DDX18: variants seen among roughly 807,000 people sequenced by gnomAD.
DDX18 encodes ATP-dependent RNA helicase DDX18.
Under a neutral mutation model 73.5 loss-of-function variants are expected in DDX18, and 23 were observed. The observed-to-expected ratio is 0.31, with a 90% confidence interval of 0.23 to 0.44. The LOEUF is 0.44. Ranked by LOEUF, DDX18 falls within the 20% of genes least tolerant of loss-of-function variation. DDX18 has a pLI of 1.00. For synonymous variants in DDX18, 268 were observed against 282.7 expected (o/e 0.95, Z 0.52); for missense variants, 753 against 792.9 (o/e 0.95, Z 0.60).
At chr2:117,829,170 C>G in intron 12 of DDX18, 119 bp from the exon 13 acceptor site, 1 of 1,195,248 alleles carries the variant, frequency 8.4e-7, no homozygotes, top group South Asian at 1.5e-5. Context: ...TATCACCACT[C>G]TGTGCCCTCT....
At position 117,821,772 on chromosome 2, in the gene DDX18, T is replaced by G. The variant is rs944293577; in HGVS notation, c.751+22T>G. ...AATGGTAAGCGTTCATCTGCTTGTT[T>G]CTGCCATTATTTCACTAGAGGTTTA... On this transcript the variant is annotated intron_variant, in intron 5 of 13. Coordinates refer to ENST00000263239, the MANE Select transcript of DDX18 (RefSeq NM_006773.4). 1.9e-6 allele frequency: 3 copies of G among 1,613,744 alleles called. No homozygotes were observed. The African/African-American group carries it at 4.0e-5, about 22-fold the overall frequency.
At chr2:117,819,345 G>T (rs1333629243) in intron 2 of DDX18, among the ~76,000 whole-genome samples, 3 of 152,278 alleles carry the variant, frequency 2.0e-5, no homozygotes, top group African/African-American at 7.2e-5. Context: ...AGTTTTTAAG[G>T]ATTATGTTAA....
chr2:117,817,385 G>T, intron 1 of DDX18, 59 bp from the exon 2 acceptor site: 2 of 1,462,062 alleles, frequency 1.4e-6, no homozygotes, highest in East Asian at 4.6e-5. Context: ...TGGGATTTCA[G>T]TGTTTCTAAG....
intron 9 of DDX18, 61 bp from the exon 10 acceptor site, chr2:117,825,386 G>A: frequency 1.9e-6 from 3 of 1,567,322 alleles, no homozygotes; most frequent in East Asian, 2.3e-5. Context: ...ACAATTTGGG[G>A]GTTCTACTGC....
At chr2:117,826,211 G>T in intron 10 of DDX18, 58 bp from the exon 11 acceptor site, 1 of 1,456,464 alleles carries the variant, frequency 6.9e-7, no homozygotes, top group South Asian at 1.2e-5. Context: ...ATGCAGATAC[G>T]CAAATGGGCT....
In DDX18 at chr2:117,830,564, C is replaced by T. The variant is rs1461738327; in HGVS notation, c.1871-18C>T. ...TTCATTATCTTTTTTGCTTGATTTC[C>T]TTAATGTTTGCCTCCAGACGTCAAC... On this transcript the variant is annotated intron_variant, in intron 13 of 13. Transcript: ENST00000263239. The T allele has an allele frequency of 3.1e-6, 5 of 1,605,906 alleles. No homozygotes were observed. The highest frequency in any genetic ancestry group is 3.5e-5 in the Admixed American group (2 of 57,654).
At chr2:117,826,034 CTTTTTTTTTT>C (rs59119058) in intron 10 of DDX18, 6 of 97,286 alleles carry the variant, frequency 6.2e-5, no homozygotes, top group South Asian at 1.9e-4. Context: ...CATGTCCAGC[CTTTTTTTTTT>C]TTTTTTTTTT....
chr2:117,818,264 A>G (rs1409627073), intron 2 of DDX18, among the ~76,000 whole-genome samples: 2 of 152,184 alleles, frequency 1.3e-5, no homozygotes, highest in Non-Finnish European at 2.9e-5. Flanking sequence ...TCAAGGTAGG[A>G]TAAGATAGGG....
At chr2:117,827,793 G>C (rs1450128837) in intron 11 of DDX18, 2 of 152,148 alleles carry the variant, frequency 1.3e-5, no homozygotes, top group Non-Finnish European at 2.9e-5. Flanking sequence ...ACATACATGT[G>C]CATGTGTCTT....
At chr2:117,824,530 C>T in intron 7 of DDX18, 39 bp from the exon 8 acceptor site, 4 of 1,341,068 alleles carry the variant, frequency 3.0e-6, no homozygotes, top group Non-Finnish European at 3.8e-6. Context: ...TAAAGATTCC[C>T]TAAAAGATTG....
chr2:117,822,422 T>C, intron 7 of DDX18, 161 bp downstream of exon 7: 1 of 589,456 alleles, frequency 1.7e-6, no homozygotes, highest in Non-Finnish European at 3.0e-6. Flanking sequence ...AAGCATCAAA[T>C]GTATTATAAC....
chr2:117,818,082 A>G (rs1434735753), intron 2 of DDX18, among the ~76,000 whole-genome samples: 2 of 152,182 alleles, frequency 1.3e-5, no homozygotes, highest in Non-Finnish European at 2.9e-5. Context: ...TGAAAGGAAT[A>G]TTAGTTACAA....
At chr2:117,820,884 G>T (rs1372475368) in intron 3 of DDX18, among the ~76,000 whole-genome samples, 1 of 151,480 alleles carries the variant, frequency 6.6e-6, no homozygotes, top group Non-Finnish European at 1.5e-5. Flanking sequence ...CCTTGTTTTG[G>T]TATTTTTATT....
intron 2 of DDX18, 129 bp downstream of exon 2, chr2:117,817,857 C>CTACCAGGCTAAT: frequency 1.1e-6 from 1 of 921,774 alleles, no homozygotes; most frequent in Non-Finnish European, 1.5e-6. Context: ...TAGAGATTAG[C>CTACCAGGCTAAT]CTGGTAGCTA....
intron 10 of DDX18, 190 bp from the exon 11 acceptor site, chr2:117,826,079 C>A: frequency 8.2e-6 from 1 of 121,338 alleles, no homozygotes. Flanking sequence ...CAATCATTGG[C>A]CTATTGGGGG....
intron 9 of DDX18, 84 bp from the exon 10 acceptor site, chr2:117,825,363 G>GTAA: frequency 2.8e-6 from 2 of 708,352 alleles, no homozygotes; most frequent in Non-Finnish European, 4.1e-6. Context: ...GCTCGAAATA[G>GTAA]GGTAACAGTT....
In DDX18 at chr2:117,831,318, C is replaced by T. The variant is rs755571002; in HGVS notation, c.*594C>T. 1 of 152,200 alleles carries T rather than the reference C, an allele frequency of 6.6e-6. No homozygotes were observed. The highest frequency in any genetic ancestry group is 1.5e-5 in the Non-Finnish European group (1 of 68,048). The allele number at this position is 152,200 out of a possible 1,614,324, so 9.4% of individuals were successfully genotyped here. On this transcript the variant is annotated 3_prime_UTR_variant, in exon 14 of 14. Transcript: ENST00000263239. Reference sequence around the variant, plus strand: ...TTATAGATTCTTGATTTTAAAGCAACAGGCCTTTCTCAGGTGTTGCATTTT... The same window carrying T: ...TTATAGATTCTTGATTTTAAAGCAATAGGCCTTTCTCAGGTGTTGCATTTT...
intron 7 of DDX18, among the ~76,000 whole-genome samples, chr2:117,823,477 A>G (rs1348719004): frequency 1.3e-5 from 2 of 152,202 alleles, no homozygotes; most frequent in East Asian, 3.8e-4. Context: ...ACACACATAT[A>G]TATGCACACA....
At chr2:117,822,450 C>T (rs1363252921) in intron 7 of DDX18, 189 bp downstream of exon 7, 2 of 523,502 alleles carry the variant, frequency 3.8e-6, no homozygotes, top group Non-Finnish European at 6.9e-6. Flanking sequence ...AATAGTTTTG[C>T]TGTTTTAGAA....
Sources: gnomAD v4.1 joint callset for allele counts (sites outside exome capture counted in the v4.1 genomes callset) on GRCh38, gnomAD v4.1.1 for gene constraint, MANE v1.5 for transcripts, NCBI Gene and HGNC (gene_info 2026-07-23, HGNC 2026-07-21) for gene names.